Variants in BANP observed in about 807,000 individuals in gnomAD.
The protein encoded by BANP is protein BANP.
BANP carries 11 observed loss-of-function variants against 68.1 expected under a neutral mutation model. That is an observed-to-expected ratio of 0.16 (90% confidence interval 0.10 to 0.27). BANP has a LOEUF of 0.27. Ranked by LOEUF, BANP falls within the 10% of genes least tolerant of loss-of-function variation. BANP has a pLI of 1.00. For missense variants in BANP, 504 were observed against 722.7 expected (o/e 0.70, Z 3.47); for synonymous variants, 329 against 303.2 (o/e 1.09, Z -0.88).
At chr16:88,041,913 C>G (rs2080897390) in intron 11 of BANP, among the ~76,000 whole-genome samples, 2 of 152,154 alleles carry the variant, frequency 1.3e-5, no homozygotes, top group African/African-American at 4.8e-5. Flanking sequence ...ACCACAGAGC[C>G]TGAGAGACAC....
chr16:88,037,929 G>C, intron 10 of BANP, 44 bp from the exon 11 acceptor site: 1 of 1,590,598 alleles, frequency 6.3e-7, no homozygotes. Context: ...GGGTGTCTTG[G>C]TGTGTTTCTA....
At chr16:87,991,859 C>T (rs534009994) in intron 4 of BANP, among the ~76,000 whole-genome samples, 3 of 152,026 alleles carry the variant, frequency 2.0e-5, no homozygotes, top group Non-Finnish European at 4.4e-5. Flanking sequence ...AATTTCTATA[C>T]CTTCTCTTAC....
At chr16:88,005,042 C>G (rs1021502814) in intron 5 of BANP, among the ~76,000 whole-genome samples, 1 of 152,170 alleles carries the variant, frequency 6.6e-6, no homozygotes, top group Admixed American at 6.5e-5. Flanking sequence ...TCACAAAGTT[C>G]TATTTGCTTT....
intron 1 of BANP, among the ~76,000 whole-genome samples, chr16:87,965,611 C>T (rs1467494159): frequency 1.8e-4 from 2 of 11,152 alleles, no homozygotes; most frequent in Admixed American, 1.6e-3. Context: ...CATGGCTGGG[C>T]GGGGCTGGGC....
At chr16:87,982,305 C>T (rs1437630632) in intron 3 of BANP, among the ~76,000 whole-genome samples, 5 of 152,284 alleles carry the variant, frequency 3.3e-5, no homozygotes, top group South Asian at 4.1e-4. Context: ...TGCGTAGAGT[C>T]GTGTGCGTGG....
At chr16:88,033,547 C>T (rs1307601856) in intron 9 of BANP, among the ~76,000 whole-genome samples, 1 of 152,218 alleles carries the variant, frequency 6.6e-6, no homozygotes, top group Non-Finnish European at 1.5e-5. Context: ...TCAGGCCGTG[C>T]GGTGGTCCCT....
chr16:87,966,731 G>A (rs1276822856), intron 1 of BANP: 2 of 152,224 alleles, frequency 1.3e-5, no homozygotes, highest in Non-Finnish European at 2.9e-5. Context: ...AGAGAGGCAG[G>A]AGTTTAACCT....
chr16:88,032,738 G>A (rs1448323926), intron 8 of BANP, among the ~76,000 whole-genome samples: 1 of 152,224 alleles, frequency 6.6e-6, no homozygotes, highest in African/African-American at 2.4e-5. Flanking sequence ...ATCTTTAAGT[G>A]TGCGGATGAG....
chr16:88,070,594 G>A (rs1167416363), intron 12 of BANP, among the ~76,000 whole-genome samples: 1 of 152,126 alleles, frequency 6.6e-6, no homozygotes, highest in Non-Finnish European at 1.5e-5. Context: ...AAAGGACCAG[G>A]GGGGATGGGT....
rs573652124 is a variant in BANP, at chr16:87,990,966, G to A, written c.362+6707G>A. Among the ~76,000 whole-genome samples the A allele has an allele frequency of 2.1e-3, 323 of 152,284 alleles. 2 individuals carry two copies. Among genetic ancestry groups the A allele is most frequent in the Middle Eastern group, 6.8e-3 (2 of 294 alleles). ...TTTAGTAGAGACGGGGTTTCACCGT[G>A]TTAGCCAGGATGGTCTCGATCTCCT... On this transcript the variant is annotated intron_variant, in intron 4 of 13. Coordinates refer to ENST00000682872, the MANE Select transcript of BANP (RefSeq NM_001386991.1).
At chr16:88,075,151 G>C (rs746736560) in intron 13 of BANP, among the ~76,000 whole-genome samples, 3 of 152,138 alleles carry the variant, frequency 2.0e-5, no homozygotes, top group African/African-American at 7.2e-5. Context: ...TTCGAGACCA[G>C]CCTGCTCAAC....
At chr16:88,042,822 C>G (rs1331619161) in intron 11 of BANP, among the ~76,000 whole-genome samples, 1 of 152,014 alleles carries the variant, frequency 6.6e-6, no homozygotes, top group Non-Finnish European at 1.5e-5. Context: ...GAGGCTGAGG[C>G]AGGAGGATTG....
rs1270778100 is a variant in BANP at position 88,004,049 on chromosome 16, C to T, written c.363-246C>T. The T allele has an allele frequency of 1.1e-5, 5 of 455,382 alleles. No homozygotes were observed. The highest frequency in any genetic ancestry group is 4.0e-5 in the African/African-American group (2 of 50,038). 28.2% of individuals were successfully genotyped at this position (455,382 alleles called of 1,614,324 possible). A position where few individuals can be genotyped will look rare whatever the true frequency, so the allele number is the denominator to read the frequency against. ...GTGCTATCCAGTTGTGCAGACAGAT[C>T]ACCAACAATTAGGAAAAGTTACGTT... On this transcript the variant is annotated intron_variant, in intron 4 of 13. Transcript: ENST00000682872. This position sits in a 1 kb window ranked among gnomAD's most constrained non-coding sequence, Gnocchi z 7.0.
chr16:87,987,868 C>A lies in BANP; in HGVS notation c.362+3609C>A, dbSNP rs1454978077. Among the ~76,000 whole-genome samples the A allele has an allele frequency of 2.7e-5, 4 of 150,892 alleles. No individual in the cohort carries two copies. In the South Asian group the frequency reaches 8.4e-4, roughly 32 times the overall value. Reference sequence around the variant, plus strand: ...GCAACCTCTGCCTCCTGGATTCAAGCGATTCTCCCACCTCAGCCTCCCGAG... The same window carrying A: ...GCAACCTCTGCCTCCTGGATTCAAGAGATTCTCCCACCTCAGCCTCCCGAG... On this transcript the variant is annotated intron_variant, in intron 4 of 13. Transcript: ENST00000682872.
chr16:88,030,333 A>G (rs7403868), intron 8 of BANP, among the ~76,000 whole-genome samples: 50,924 of 152,114 alleles, frequency 0.33, 9,177 homozygotes, highest in East Asian at 0.64. Flanking sequence ...ATTTAAAGGA[A>G]AAAAGGAACA....
At chr16:88,028,879 T>G (rs1253619944) in intron 8 of BANP, among the ~76,000 whole-genome samples, 4 of 152,262 alleles carry the variant, frequency 2.6e-5, no homozygotes, top group Admixed American at 6.5e-5. Context: ...GATTAAAAAT[T>G]TATGTGTGAT....
At position 88,072,361 on chromosome 16, in the gene BANP, C is replaced by T. The variant is rs79666647; in HGVS notation, c.1521+149C>T. On this transcript the variant is annotated intron_variant, in intron 13 of 13. Transcript: ENST00000682872. ...CACAGATGCCCATCTGAGGGTTCTA[C>T]GTCTCACACTCACCGTGAACGTGAA... The T allele has an allele frequency of 5.1e-3, 4,770 of 926,976 alleles. 176 individuals carry two copies. The African/African-American group carries it at 0.072, about 14-fold the overall frequency. The allele number at this position is 926,976 out of a possible 1,614,324, so 57.4% of individuals were successfully genotyped here.
At chr16:87,983,249 C>T (rs1002027658) in intron 3 of BANP, among the ~76,000 whole-genome samples, 2 of 152,178 alleles carry the variant, frequency 1.3e-5, no homozygotes, top group African/African-American at 4.8e-5. Context: ...CCCAACCTGT[C>T]CCTCCCTAGA....
At position 88,014,335 on chromosome 16, in the gene BANP, G is replaced by A. The variant is rs1266372597; in HGVS notation, c.656-4093G>A. Among the ~76,000 whole-genome samples the A allele has an allele frequency of 3.9e-5, 6 of 152,012 alleles. No individual in the cohort carries two copies. In the South Asian group the frequency reaches 8.3e-4, roughly 21 times the overall value. ...GAGCCTGCCAGAGGATGAGCTTAGC[G>A]GCTGCCCCGACACTGCCTTGAGGTG... On this transcript the variant is annotated intron_variant, in intron 6 of 13. Transcript: ENST00000682872.
Sources: allele counts gnomAD v4.1 joint callset (sites outside exome capture counted in the v4.1 genomes callset), GRCh38; gene constraint gnomAD v4.1.1; non-coding constraint Gnocchi (gnomAD v3.1); transcripts MANE v1.5; gene names NCBI Gene and HGNC (gene_info 2026-07-23, HGNC 2026-07-21).